The following CALHM4 variants were observed in gnomAD, a reference collection of about 807,000 sequenced individuals.
CALHM4 encodes calcium homeostasis modulator protein 4.
Under a neutral mutation model 13.3 loss-of-function variants are expected in CALHM4, and 16 were observed. The observed-to-expected ratio is 1.20, with a 90% CI of 0.81 to 1.82. CALHM4 has a LOEUF of 1.82. CALHM4 is among the 40% of genes most tolerant of loss of function. The probability of loss-of-function intolerance (pLI) is 0.00; values close to 1 mark genes in which losing one functional copy is unlikely to be tolerated. For synonymous variants in CALHM4, 127 were observed against 137.1 expected, an observed-to-expected ratio of 0.93 and a Z score of 0.52; for missense variants, 344 against 374.9, an observed-to-expected ratio of 0.92 and a Z score of 0.68.
At position 116,558,261 on chromosome 6, in the gene CALHM4, T is replaced by C. The variant is rs758307344; in HGVS notation, c.*50T>C. 1.8e-5 allele frequency: 28 copies of C among 1,540,182 alleles called. No individual in the cohort carries two copies. The South Asian group carries it at 3.3e-4, about 18-fold the overall frequency. ...TTGCTTAGCAGATACTTGGCTTTTA[T>C]GGCTTTTATGATCAGGCCATTTCAA... On this transcript the variant is annotated 3_prime_UTR_variant, in exon 2 of 2. Coordinates refer to ENST00000368596, the MANE Select transcript of CALHM4 (RefSeq NM_001366078.2).
chr6:116,545,683 G>A, intron 2 of CALHM4: 2 of 466,420 alleles, frequency 4.3e-6, no homozygotes, highest in Non-Finnish European at 7.4e-6. Context: ...GAGCTGAAGA[G>A]GGAAAAAAAC....
rs540894542 is a variant in CALHM4 at position 116,542,344 on chromosome 6, GA to G, written c.-108-1414del. ...AAAATAAATTATAATTTTTTTAAAAGAAAAAAATATGCATACAGAAAGAAGA... is the reference window on the plus strand; with the variant it reads ...AAAATAAATTATAATTTTTTTAAAAGAAAAAATATGCATACAGAAAGAAGA... On this transcript the variant is annotated intron_variant, in intron 1 of 2. Transcript: ENST00000368597. Among the ~76,000 whole-genome samples, 654 of 151,940 alleles carry G rather than the reference GA, an allele frequency of 4.3e-3. 5 individuals are homozygous for G. The highest frequency in any genetic ancestry group is 6.3e-3 in the Admixed American group (96 of 15,252).
chr6:116,533,930 GC>G (rs1772908570), intron 1 of CALHM4, among the ~76,000 whole-genome samples: 1 of 152,140 alleles, frequency 6.6e-6, no homozygotes, highest in Admixed American at 6.5e-5. Context: ...GCAAGGTTTA[GC>G]CCATTGTTCC....
upstream of CALHM4, among the ~76,000 whole-genome samples, chr6:116,551,100 A>G (rs902167425): frequency 1.3e-5 from 2 of 152,214 alleles, no homozygotes; most frequent in Non-Finnish European, 2.9e-5. Context: ...AGAGTGCCCA[A>G]TAAAGGCTCT....
intron 1 of CALHM4, chr6:116,543,729 CT>C: frequency 8.8e-7 from 1 of 1,134,876 alleles, no homozygotes. Context: ...ACATAAATTT[CT>C]GTTTTTCTAA....
intron 1 of CALHM4, among the ~76,000 whole-genome samples, chr6:116,537,554 C>T (rs1389572270): frequency 6.6e-6 from 1 of 152,050 alleles, no homozygotes; most frequent in Non-Finnish European, 1.5e-5. Context: ...ATTTCTTACT[C>T]GATTCCTCTT....
In CALHM4 at chr6:116,560,479, TC is replaced by T. The variant is rs1246095731; in HGVS notation, c.*2272del. 6.6e-6 allele frequency among the ~76,000 whole-genome samples: 1 copy of T among 152,192 alleles called. No individual in the cohort carries two copies. The highest frequency in any genetic ancestry group is 1.5e-5 in the Non-Finnish European group (1 of 68,020). The stretch of plus-strand genomic sequence containing the variant: ...ATTTTGAGCCAGTTAATCATGATCT[TC>T]CCCTATAACTTTCTGGCAAAGGATT... On this transcript the variant is annotated 3_prime_UTR_variant, in exon 2 of 2. Transcript: ENST00000368596.
At chr6:116,548,679 A>T (rs946216825) in intron 2 of CALHM4, among the ~76,000 whole-genome samples, 2 of 152,158 alleles carry the variant, frequency 1.3e-5, no homozygotes, top group African/African-American at 4.8e-5. Flanking sequence ...ATCCCGACAA[A>T]CCATTCAGAA....
Position 116,558,165 on chromosome 6 carries a change from A to C in CALHM4, c.899A>C (p.Glu300Ala). 6.2e-7 allele frequency: 1 copy of C among 1,613,996 alleles called. No homozygotes were observed. Among genetic ancestry groups the C allele is most frequent in the South Asian group, 1.1e-5 (1 of 91,072 alleles). Residue 300 changes from glutamate to alanine, a missense_variant, in exon 2 of 2, where the codon GAG (glutamate) becomes GCG (alanine). Physicochemically the swap from Glu to Ala is moderately radical, Grantham distance 107. Coordinates refer to ENST00000368596, the MANE Select transcript of CALHM4 (RefSeq NM_001366078.2). Reference sequence around the variant, plus strand: ...AGCTTCCTTGGAAATAGGGTGGATGAGGATAATGAGGAAGACAGATCAAGA... The same window carrying C: ...AGCTTCCTTGGAAATAGGGTGGATGCGGATAATGAGGAAGACAGATCAAGA... ...HYSFLGNRVD[E>A]DNEEDRSRGI...
At chr6:116,537,500 G>C (rs1773173618) in intron 1 of CALHM4, among the ~76,000 whole-genome samples, 1 of 152,056 alleles carries the variant, frequency 6.6e-6, no homozygotes, top group Non-Finnish European at 1.5e-5. Flanking sequence ...GTCTTTTCCT[G>C]CTGAGATATG....
intron 1 of CALHM4, chr6:116,540,398 G>A (rs1297074816): frequency 3.9e-6 from 6 of 1,551,130 alleles, no homozygotes; most frequent in African/African-American, 1.4e-5. Context: ...GAATAACTAT[G>A]GCATCTTCCC....
intron 1 of CALHM4, among the ~76,000 whole-genome samples, chr6:116,533,506 T>A (rs1772872183): frequency 6.6e-6 from 1 of 152,148 alleles, no homozygotes; most frequent in South Asian, 2.1e-4. Context: ...CCAGAATAAT[T>A]CCAGCGTGAG....
chr6:116,554,439 T>C (rs578161495), intron 1 of CALHM4, 88 bp downstream of exon 1: 2 of 1,118,148 alleles, frequency 1.8e-6, no homozygotes, highest in African/African-American at 1.6e-5. Flanking sequence ...CTGCTTCTTA[T>C]ATTCTCTGAT....
chr6:116,557,989 G>T lies in CALHM4; in HGVS notation c.723G>T (p.Arg241=). ...LFEQAAEQHS[R]LLMMHRIKKL... Reference sequence around the variant, plus strand: ...AACAAGCAGCAGAGCAGCACTCTCGGCTCCTCATGATGCATCGCATAAAGA... The same window carrying T: ...AACAAGCAGCAGAGCAGCACTCTCGTCTCCTCATGATGCATCGCATAAAGA... The change falls in exon 2 of 2, where the codon CGG becomes CGT. Residue 241 remains arginine (R), a synonymous_variant. Transcript: ENST00000368596. 1.2e-6 allele frequency: 2 copies of T among 1,614,096 alleles called. No homozygotes were observed. The highest frequency in any genetic ancestry group is 2.7e-5 in the African/African-American group (2 of 75,016).
chr6:116,555,238 T>A (rs922827823), intron 1 of CALHM4, among the ~76,000 whole-genome samples: 2 of 152,224 alleles, frequency 1.3e-5, no homozygotes, highest in African/African-American at 2.4e-5. Context: ...AGATATGCTC[T>A]GTCTTAACTT....
chr6:116,550,049 T>C (rs1018698865), upstream of CALHM4, among the ~76,000 whole-genome samples: 3 of 135,196 alleles, frequency 2.2e-5, no homozygotes, highest in Non-Finnish European at 4.8e-5. Context: ...CACACACACA[T>C]CCATAATTAT....
intron 1 of CALHM4, among the ~76,000 whole-genome samples, chr6:116,557,357 A>G (rs898882134): frequency 2.6e-5 from 4 of 152,234 alleles, no homozygotes; most frequent in African/African-American, 9.6e-5. Context: ...CTGTTGGTAC[A>G]TCATTGAAAA....
rs1408979489 is a variant in CALHM4 at position 116,561,056 on chromosome 6, TC to T, written c.*2846del. Among the ~76,000 whole-genome samples, 1 of 152,260 alleles carries T rather than the reference TC, an allele frequency of 6.6e-6. No individual in the cohort carries two copies. Among genetic ancestry groups the T allele is most frequent in the Non-Finnish European group, 1.5e-5 (1 of 68,044 alleles). On this transcript the variant is annotated 3_prime_UTR_variant, in exon 2 of 2. Coordinates refer to ENST00000368596, the MANE Select transcript of CALHM4 (RefSeq NM_001366078.2). The stretch of plus-strand genomic sequence containing the variant: ...CCTTCTCTGTGTCTCTTTTCTCTGT[TC>T]TCAGTCTTCCATTCATTTTTTGTAG...
chr6:116,543,629 A>G (rs4498404), intron 1 of CALHM4: 1 of 651,134 alleles, frequency 1.5e-6, no homozygotes, highest in Non-Finnish European at 2.6e-6. Flanking sequence ...TGAATTTCGT[A>G]ACATGATAAC....
Sources: allele counts gnomAD v4.1 joint callset (sites outside exome capture counted in the v4.1 genomes callset), GRCh38; gene constraint gnomAD v4.1.1; transcripts MANE v1.5; gene names NCBI Gene and HGNC (gene_info 2026-07-23, HGNC 2026-07-21).